Variants in ADGRL2 observed in about 807,000 individuals in gnomAD.
ADGRL2 encodes the protein adhesion G protein-coupled receptor L2.
In ADGRL2, 44 loss-of-function variants were observed where a neutral mutation model predicts 157.4. That is an observed-to-expected ratio of 0.28 (90% CI 0.22 to 0.36). The LOEUF is 0.36. Ranked by LOEUF, ADGRL2 falls within the 10% of genes least tolerant of loss-of-function variation. The pLI, the probability that ADGRL2 is intolerant of heterozygous loss-of-function variation, is 1.00. For synonymous variants in ADGRL2, 585 were observed against 624.7 expected, an observed-to-expected ratio of 0.94 and a Z score of 0.95; for missense variants, 1,510 against 1,768.9, an observed-to-expected ratio of 0.85 and a Z score of 2.63.
intron 2 of ADGRL2, among the ~76,000 whole-genome samples, chr1:81,769,980 C>T (rs1446670995): frequency 6.6e-6 from 1 of 151,922 alleles, no homozygotes; most frequent in Non-Finnish European, 1.5e-5. Flanking sequence ...TCTCCTGCCT[C>T]AGCCTCCCAA....
chr1:81,883,791 A>G (rs1038467914), intron 2 of ADGRL2, among the ~76,000 whole-genome samples: 3 of 151,968 alleles, frequency 2.0e-5, no homozygotes, highest in East Asian at 1.9e-4. Flanking sequence ...CTAGCACTCT[A>G]TCTGGATTTT....
At chr1:81,390,138 T>C (rs1157410989) in intron 1 of ADGRL2, among the ~76,000 whole-genome samples, 3 of 152,292 alleles carry the variant, frequency 2.0e-5, no homozygotes, top group Admixed American at 1.3e-4. Context: ...TTCTGAAACT[T>C]CATTCTTAAG....
upstream of ADGRL2, among the ~76,000 whole-genome samples, chr1:81,697,225 A>T (rs753739527): frequency 2.3e-4 from 35 of 152,202 alleles, no homozygotes; most frequent in Non-Finnish European, 3.8e-4. Flanking sequence ...TGAAAGTTGC[A>T]TAAGCTTCCT....
chr1:81,721,055 A>G (rs1340952133), intron 1 of ADGRL2, among the ~76,000 whole-genome samples: 8 of 145,374 alleles, frequency 5.5e-5, no homozygotes, highest in Non-Finnish European at 1.1e-4. Flanking sequence ...TTTTTTTAAT[A>G]GAGCCGGGGT....
At chr1:81,630,967 A>G (rs1020132248) in intron 3 of ADGRL2, among the ~76,000 whole-genome samples, 2 of 152,198 alleles carry the variant, frequency 1.3e-5, no homozygotes, top group African/African-American at 4.8e-5. Context: ...TTAAAATACG[A>G]AGCTACAAAA....
chr1:81,891,740 A>G (rs1470689179), intron 2 of ADGRL2, among the ~76,000 whole-genome samples: 1 of 152,024 alleles, frequency 6.6e-6, no homozygotes, highest in Admixed American at 6.6e-5. Context: ...CGGCTTTTCA[A>G]TATAGAATGC....
chr1:81,408,230 T>C (rs1570883501), intron 1 of ADGRL2, among the ~76,000 whole-genome samples: 1 of 152,360 alleles, frequency 6.6e-6, no homozygotes, highest in African/African-American at 2.4e-5. Context: ...GCTAATCTAA[T>C]AGATATTTGT....
chr1:81,477,640 AGTTT>A (rs1276281808), intron 2 of ADGRL2, among the ~76,000 whole-genome samples: 17 of 152,344 alleles, frequency 1.1e-4, no homozygotes, highest in East Asian at 3.9e-4. Flanking sequence ...TTCAGTAGTT[AGTTT>A]ATTAATCCTG....
chr1:81,720,060 A>G (rs1217420555), intron 1 of ADGRL2, among the ~76,000 whole-genome samples: 4 of 152,166 alleles, frequency 2.6e-5, no homozygotes, highest in Admixed American at 2.6e-4. Context: ...TAGCATATGC[A>G]GACAAATTGC....
intron 3 of ADGRL2, among the ~76,000 whole-genome samples, chr1:81,630,965 C>T (rs984480470): frequency 1.1e-4 from 17 of 152,122 alleles, no homozygotes; most frequent in South Asian, 4.2e-4. Context: ...GATTAAAATA[C>T]GAAGCTACAA....
At chr1:81,336,425 GACT>G (rs932200493) in intron 1 of ADGRL2, among the ~76,000 whole-genome samples, 1 of 152,100 alleles carries the variant, frequency 6.6e-6, no homozygotes, top group Non-Finnish European at 1.5e-5. Flanking sequence ...AACCAAGTGA[GACT>G]GTAAGTCTTG....
intron 6 of ADGRL2, among the ~76,000 whole-genome samples, chr1:81,948,964 G>T (rs1481456892): frequency 6.6e-6 from 1 of 152,148 alleles, no homozygotes; most frequent in East Asian, 1.9e-4. Flanking sequence ...AATAAAGAAA[G>T]ATTGATGGAC....
chr1:81,773,892 G>C (rs1254169511), intron 2 of ADGRL2, among the ~76,000 whole-genome samples: 21 of 152,126 alleles, frequency 1.4e-4, no homozygotes, highest in Admixed American at 1.2e-3. Context: ...GATTGAATGA[G>C]GTCATCGGGG....
At chr1:81,472,106 G>A (rs963825309) in intron 2 of ADGRL2, among the ~76,000 whole-genome samples, 1 of 152,078 alleles carries the variant, frequency 6.6e-6, no homozygotes, top group Non-Finnish European at 1.5e-5. Context: ...AAATTAGGGA[G>A]TCATAACTTA....
chr1:81,567,764 T>C (rs1337740849), intron 2 of ADGRL2, among the ~76,000 whole-genome samples: 1 of 152,132 alleles, frequency 6.6e-6, no homozygotes, highest in Non-Finnish European at 1.5e-5. Context: ...AAGGAAATTC[T>C]TAATGTGTGT....
intron 2 of ADGRL2, among the ~76,000 whole-genome samples, chr1:81,539,638 G>C (rs936357982): frequency 2.6e-5 from 4 of 152,002 alleles, no homozygotes; most frequent in African/African-American, 9.7e-5. Flanking sequence ...TTCTCCTATA[G>C]AAGTTCTCCC....
intron 1 of ADGRL2, among the ~76,000 whole-genome samples, chr1:81,724,001 G>A (rs1227003110): frequency 6.6e-6 from 1 of 152,018 alleles, no homozygotes; most frequent in Non-Finnish European, 1.5e-5. Flanking sequence ...CTCCGTGTCT[G>A]CTTTCTGCTT....
At chr1:81,839,714 T>C (rs183935602) in intron 2 of ADGRL2, among the ~76,000 whole-genome samples, 3 of 150,798 alleles carry the variant, frequency 2.0e-5, no homozygotes, top group Non-Finnish European at 1.5e-5. Flanking sequence ...GTTAATTCAT[T>C]CCTTTTTATG....
At chr1:81,731,603 G>A (rs1443047215) in intron 1 of ADGRL2, among the ~76,000 whole-genome samples, 1 of 151,716 alleles carries the variant, frequency 6.6e-6, no homozygotes, top group East Asian at 1.9e-4. Flanking sequence ...AGTTACTTCC[G>A]TATTTCACAG....
Sources: gnomAD v4.1 joint callset for allele counts (sites outside exome capture counted in the v4.1 genomes callset) on GRCh38, gnomAD v4.1.1 for gene constraint, MANE v1.5 for transcripts, NCBI Gene and HGNC (gene_info 2026-07-23, HGNC 2026-07-21) for gene names.